The following KDM6A variants were observed in gnomAD, a reference collection of about 807,000 sequenced individuals.
KDM6A encodes the protein lysine demethylase 6A.
Under a neutral mutation model 117.6 loss-of-function variants are expected in KDM6A, and 11 were observed. That is an observed-to-expected ratio of 0.09 (90% CI 0.06 to 0.15). KDM6A has a LOEUF of 0.15. Ranked by LOEUF, KDM6A falls within the 10% of genes least tolerant of loss-of-function variation. The probability of loss-of-function intolerance (pLI) is 1.00; values close to 1 mark genes in which losing one functional copy is unlikely to be tolerated. For synonymous variants in KDM6A, 384 were observed against 396.1 expected, an observed-to-expected ratio of 0.97 and a Z score of 0.36; for missense variants, 799 against 1,077.3, an observed-to-expected ratio of 0.74 and a Z score of 3.62.
intron 3 of KDM6A, among the ~76,000 whole-genome samples, chrX:44,963,780 C>T (rs973405463): frequency 2.7e-5 from 3 of 110,264 alleles, no homozygotes; most frequent in African/African-American, 6.6e-5. Flanking sequence ...AGTGCAGTGG[C>T]GTGATCTCAG....
chrX:44,947,670 C>T (rs2037731505), intron 2 of KDM6A, among the ~76,000 whole-genome samples: 1 of 111,722 alleles, frequency 9.0e-6, no homozygotes, highest in African/African-American at 3.3e-5. Context: ...GCTACCGCGC[C>T]CAGCCAATAC....
intron 21 of KDM6A, among the ~76,000 whole-genome samples, chrX:45,081,527 A>G (rs1297408853): frequency 8.9e-6 from 1 of 112,170 alleles, no homozygotes; most frequent in Non-Finnish European, 1.9e-5. Context: ...TCCTTTGTTC[A>G]TAATCAAGAA....
chrX:44,978,498 G>A (rs1345961555), intron 4 of KDM6A, among the ~76,000 whole-genome samples: 1 of 111,904 alleles, frequency 8.9e-6, no homozygotes, highest in Non-Finnish European at 1.9e-5. Context: ...CTTGCTTCTA[G>A]GATTTTCCTG....
intron 17 of KDM6A, among the ~76,000 whole-genome samples, chrX:45,068,823 T>TCTTTCTCTTTCCCTTTCC (rs1383547449): frequency 4.3e-4 from 41 of 95,844 alleles, no homozygotes; most frequent in Middle Eastern, 5.2e-3. Flanking sequence ...TTTCTCTTTC[T>TCTTTCTCTTTCCCTTTCC]CTTTCCCTTT....
chrX:45,010,046 A>C (rs1231893702), intron 4 of KDM6A, among the ~76,000 whole-genome samples: 1 of 112,480 alleles, frequency 8.9e-6, no homozygotes, highest in Non-Finnish European at 1.9e-5. Context: ...ATTTCGAAGA[A>C]GAAATTTGTT....
chrX:44,910,301 C>G (rs1026095502), intron 2 of KDM6A, among the ~76,000 whole-genome samples: 2 of 111,640 alleles, frequency 1.8e-5, no homozygotes, highest in Non-Finnish European at 3.8e-5. Context: ...ATTCTCCTGC[C>G]TCAGCCTCCG....
chrX:44,994,471 G>A (rs1192604796), intron 4 of KDM6A, among the ~76,000 whole-genome samples: 1 of 111,783 alleles, frequency 8.9e-6, no homozygotes, highest in Non-Finnish European at 1.9e-5. Flanking sequence ...AGTATTTCAA[G>A]GTGTATATAT....
At chrX:45,107,787 A>G (rs1490222973) in intron 28 of KDM6A, among the ~76,000 whole-genome samples, 1 of 111,823 alleles carries the variant, frequency 8.9e-6, no homozygotes, top group African/African-American at 3.3e-5. Context: ...AACAGACAAT[A>G]ATCAGCAAAT....
chrX:45,064,021 A>G (rs906206634), intron 17 of KDM6A, among the ~76,000 whole-genome samples: 9 of 112,063 alleles, frequency 8.0e-5, no homozygotes, highest in Non-Finnish European at 1.5e-4. Context: ...ACCGACATAG[A>G]TAACTTAGCA....
At chrX:44,963,483 G>GTGTGTGTC (rs1481840859) in intron 3 of KDM6A, among the ~76,000 whole-genome samples, 49 of 40,889 alleles carry the variant, frequency 1.2e-3, no homozygotes, top group African/African-American at 3.4e-3. Context: ...GTGTGTGTGT[G>GTGTGTGTC]TGTCTGTCTG....
chrX:44,887,020 C>T (rs371707171), intron 2 of KDM6A, among the ~76,000 whole-genome samples: 13 of 105,610 alleles, frequency 1.2e-4, no homozygotes, highest in African/African-American at 4.5e-4. Flanking sequence ...CTGCAGCCTC[C>T]GCCTCCCAGG....
chrX:44,929,867 AG>A (rs1357088908), intron 2 of KDM6A, among the ~76,000 whole-genome samples: 1 of 110,788 alleles, frequency 9.0e-6, no homozygotes, highest in Non-Finnish European at 1.9e-5. Context: ...GTACATGTAC[AG>A]GATGTGTAGG....
chrX:44,911,387 C>T (rs1219446794), intron 2 of KDM6A, among the ~76,000 whole-genome samples: 1 of 108,705 alleles, frequency 9.2e-6, no homozygotes, highest in Non-Finnish European at 1.9e-5. Context: ...ACCTCCCAGA[C>T]AGGGTCGCGG....
intron 2 of KDM6A, among the ~76,000 whole-genome samples, chrX:44,885,816 G>T (rs2032818288): frequency 9.1e-6 from 1 of 109,748 alleles, no homozygotes; most frequent in African/African-American, 3.3e-5. Flanking sequence ...GTTGCAGTGA[G>T]CTGAGATCAC....
intron 2 of KDM6A, among the ~76,000 whole-genome samples, chrX:44,893,541 GCT>G (rs1359434111): frequency 3.6e-5 from 3 of 82,347 alleles, no homozygotes; most frequent in Non-Finnish European, 6.8e-5. Flanking sequence ...ATGAAGTCTT[GCT>G]CTGTTGCCCA....
At chrX:45,051,421 T>G (rs1305680189) in intron 8 of KDM6A, among the ~76,000 whole-genome samples, 1 of 111,662 alleles carries the variant, frequency 9.0e-6, no homozygotes, top group East Asian at 2.8e-4. Flanking sequence ...AGACCACTTA[T>G]GTTATTAAAT....
At chrX:44,996,918 G>A (rs1227845749) in intron 4 of KDM6A, among the ~76,000 whole-genome samples, 1 of 111,704 alleles carries the variant, frequency 9.0e-6, no homozygotes, top group East Asian at 2.9e-4. Context: ...ATTTGGAAGT[G>A]AAATGGGAGA....
chrX:45,040,694 CCGGACGGGGCGGCTGGA>C (rs2043098161), intron 8 of KDM6A, among the ~76,000 whole-genome samples: 1 of 75,488 alleles, frequency 1.3e-5, no homozygotes, highest in Non-Finnish European at 2.6e-5. Flanking sequence ...CACCTCCCTC[CCGGACGGGGCGGCTGGA>C]CGGGCGGGGG....
In KDM6A at chrX:45,079,345, A is replaced by T. The variant is rs2148122354; in HGVS notation, c.3294A>T (p.Ser1098=). 1 of 1,158,280 alleles carries T rather than the reference A, an allele frequency of 8.6e-7. No homozygotes were observed. The highest frequency in any genetic ancestry group is 1.2e-6 in the Non-Finnish European group (1 of 846,953). The part of the protein sequence containing the change: ...AQYQASSFQE[S]LREENEKRSH... ...ACCAGGCCTCCTCATTCCAGGAATC[A>T]TTGAGAGTAAGTATTTGTATCCTAA... Residue 1098 remains serine (S), a synonymous_variant, in exon 21 of 30, where the codon TCA becomes TCT. Coordinates refer to ENST00000611820, the MANE Select transcript of KDM6A (RefSeq NM_001291415.2).
Sources: allele counts gnomAD v4.1 joint callset (sites outside exome capture counted in the v4.1 genomes callset), GRCh38; gene constraint gnomAD v4.1.1; transcripts MANE v1.5; gene names NCBI Gene and HGNC (gene_info 2026-07-23, HGNC 2026-07-21).